Variants in MARCHF1 observed in about 807,000 individuals in gnomAD.
MARCHF1 encodes membrane associated ring-CH-type finger 1, also known as E3 ubiquitin-protein ligase MARCHF1.
MARCHF1 carries 40 observed loss-of-function variants against 54.2 expected under a neutral mutation model. The observed-to-expected ratio is 0.74, with a 90% confidence interval of 0.57 to 0.96. The LOEUF (loss-of-function observed/expected upper bound fraction) is 0.96, where lower values mean the gene tolerates loss of function less well. Ranked by LOEUF, MARCHF1 falls within the 40% of genes least tolerant of loss-of-function variation. MARCHF1 has a pLI of 0.00. For synonymous variants in MARCHF1, 236 were observed against 236.3 expected (o/e 1.00, Z 0.01); for missense variants, 586 against 656.5 (o/e 0.89, Z 1.17).
At chr4:163,905,553 G>A (rs2111319854) in intron 3 of MARCHF1, among the ~76,000 whole-genome samples, 1 of 152,212 alleles carries the variant, frequency 6.6e-6, no homozygotes, top group Non-Finnish European at 1.5e-5. Context: ...TTGAAAGGAA[G>A]AATTTCTGCT....
chr4:163,919,560 T>A (rs1751379984), intron 3 of MARCHF1, among the ~76,000 whole-genome samples: 1 of 151,998 alleles, frequency 6.6e-6, no homozygotes, highest in Non-Finnish European at 1.5e-5. Flanking sequence ...TTAATATTTA[T>A]ATTATAGTTG....
chr4:163,916,244 T>G (rs147710768), intron 3 of MARCHF1, among the ~76,000 whole-genome samples: 136 of 152,266 alleles, frequency 8.9e-4, no homozygotes, highest in African/African-American at 3.0e-3. Flanking sequence ...TTTCCCTCAG[T>G]CTTTCGAAAG....
At chr4:164,036,018 G>C (rs1753988314) in intron 2 of MARCHF1, among the ~76,000 whole-genome samples, 1 of 145,114 alleles carries the variant, frequency 6.9e-6, no homozygotes. Context: ...CAGGATAATT[G>C]ATTGAATGTG....
chr4:163,904,830 T>C (rs1362240989), intron 3 of MARCHF1, among the ~76,000 whole-genome samples: 8 of 147,708 alleles, frequency 5.4e-5, no homozygotes, highest in Non-Finnish European at 9.1e-5. Context: ...TGAATGTGTT[T>C]GCATGCACTT....
rs1361213591 is a variant in MARCHF1 at position 163,975,186 on chromosome 4, TCTCTCTCTCTCACACACACACA to T, written c.-39+13293_-39+13314del. Among the ~76,000 whole-genome samples, 46 of 135,276 alleles carry T rather than the reference TCTCTCTCTCTCACACACACACA, an allele frequency of 3.4e-4. No homozygotes were observed. In the East Asian group the frequency reaches 0.012, roughly 36 times the overall value. The allele number at this position is 135,276 out of a possible 152,430, so 88.7% of individuals were successfully genotyped here. ...AAAGCTCTCTCTCTCTCTCTCTCTC[TCTCTCTCTCTCACACACACACA>T]CACACACACACACACACACACTTCC... On this transcript the variant is annotated intron_variant, in intron 3 of 9. Transcript: ENST00000514618.
chr4:163,570,495 C>T (rs1365153617), intron 8 of MARCHF1, among the ~76,000 whole-genome samples: 1 of 152,076 alleles, frequency 6.6e-6, no homozygotes, highest in African/African-American at 2.4e-5. Context: ...CCCAAAGCCA[C>T]CAAACAACTA....
At chr4:163,839,066 G>A (rs1046562522) in intron 4 of MARCHF1, among the ~76,000 whole-genome samples, 1 of 152,012 alleles carries the variant, frequency 6.6e-6, no homozygotes, top group South Asian at 2.1e-4. Flanking sequence ...ATAGAAAGTT[G>A]AATAGACATT....
intron 5 of MARCHF1, among the ~76,000 whole-genome samples, chr4:163,689,009 G>A (rs1156778754): frequency 2.0e-5 from 3 of 152,132 alleles, no homozygotes; most frequent in Admixed American, 1.3e-4. Context: ...CAAGGAATGA[G>A]TTCCATCCCT....
chr4:163,631,271 C>A (rs559846505), intron 5 of MARCHF1, among the ~76,000 whole-genome samples: 1 of 151,948 alleles, frequency 6.6e-6, no homozygotes, highest in South Asian at 2.1e-4. Context: ...CGGCTCACTG[C>A]AACCTCTGCC....
At chr4:163,620,653 A>G (rs949395235) in intron 5 of MARCHF1, among the ~76,000 whole-genome samples, 4 of 150,946 alleles carry the variant, frequency 2.6e-5, no homozygotes, top group African/African-American at 7.3e-5. Context: ...AGAGACACGC[A>G]CACACACACA....
At chr4:164,148,425 AT>A (rs990437461) in intron 1 of MARCHF1, among the ~76,000 whole-genome samples, 22 of 151,490 alleles carry the variant, frequency 1.5e-4, no homozygotes, top group African/African-American at 3.4e-4. Context: ...TGTTCTCTTA[AT>A]TTTTTTTTCC....
At chr4:164,084,571 A>G (rs1339083262) in intron 2 of MARCHF1, among the ~76,000 whole-genome samples, 3 of 151,984 alleles carry the variant, frequency 2.0e-5, no homozygotes, top group African/African-American at 7.2e-5. Flanking sequence ...ATAAGCAATT[A>G]TAATTTGCTA....
chr4:163,656,156 T>C (rs1579163762), intron 5 of MARCHF1, among the ~76,000 whole-genome samples: 1 of 146,680 alleles, frequency 6.8e-6, no homozygotes. Flanking sequence ...AATAGACCAC[T>C]AGCTAGACAA....
At chr4:164,238,048 C>T (rs974963765) in intron 1 of MARCHF1, among the ~76,000 whole-genome samples, 3 of 151,966 alleles carry the variant, frequency 2.0e-5, no homozygotes, top group Non-Finnish European at 4.4e-5. Flanking sequence ...TTCAATGATT[C>T]TGGAAAACCA....
intron 5 of MARCHF1, among the ~76,000 whole-genome samples, chr4:163,638,639 C>T (rs781432098): frequency 6.6e-6 from 1 of 152,056 alleles, no homozygotes; most frequent in Non-Finnish European, 1.5e-5. Flanking sequence ...AAATAATTCC[C>T]CTTCTGAGTA....
intron 1 of MARCHF1, among the ~76,000 whole-genome samples, chr4:164,125,785 A>C (rs1227091325): frequency 1.3e-5 from 2 of 152,178 alleles, no homozygotes; most frequent in Non-Finnish European, 2.9e-5. Context: ...TCAGATCAGC[A>C]GGGCATTAGA....
At chr4:163,686,696 T>C (rs1166786526) in intron 5 of MARCHF1, among the ~76,000 whole-genome samples, 1 of 152,100 alleles carries the variant, frequency 6.6e-6, no homozygotes, top group East Asian at 1.9e-4. Flanking sequence ...ACTGATGTCA[T>C]GTATTTTTCC....
intron 1 of MARCHF1, among the ~76,000 whole-genome samples, chr4:164,351,315 A>C (rs889676388): frequency 1.3e-5 from 2 of 151,246 alleles, no homozygotes; most frequent in Non-Finnish European, 3.0e-5. Context: ...GGCAGGGCAC[A>C]GTCAAACAAA....
chr4:164,324,231 AT>A (rs1427951397), intron 1 of MARCHF1, among the ~76,000 whole-genome samples: 7 of 151,908 alleles, frequency 4.6e-5, no homozygotes, highest in African/African-American at 1.7e-4. Flanking sequence ...GACACATTTC[AT>A]ACATTCCTAA....
Sources: allele counts gnomAD v4.1 joint callset (sites outside exome capture counted in the v4.1 genomes callset), GRCh38; gene constraint gnomAD v4.1.1; transcripts MANE v1.5; gene names NCBI Gene and HGNC (gene_info 2026-07-23, HGNC 2026-07-21).